The following CSMD1 variants were observed in gnomAD, a reference collection of about 807,000 sequenced individuals.
CSMD1 encodes CUB and sushi domain-containing protein 1.
Under a neutral mutation model 417.5 loss-of-function variants are expected in CSMD1, and 213 were observed. That is an observed-to-expected ratio of 0.51 (90% CI 0.46 to 0.57). The LOEUF is 0.57. Among genes scored for constraint, CSMD1 ranks in the 20% least tolerant of loss-of-function variants. The pLI is 0.00. For synonymous variants in CSMD1, 2,862 were observed against 1,736.8 expected (o/e 1.65, Z -16.11); for missense variants, 6,923 against 4,529.7 (o/e 1.53, Z -15.17).
intron 5 of CSMD1, among the ~76,000 whole-genome samples, chr8:3,795,202 A>C (rs1424285675): frequency 8.1e-5 from 9 of 111,202 alleles, no homozygotes; most frequent in African/African-American, 2.0e-4. Flanking sequence ...TCATGTACAG[A>C]TATAGATACC....
intron 3 of CSMD1, among the ~76,000 whole-genome samples, chr8:4,395,578 A>G (rs187848218): frequency 3.3e-5 from 5 of 152,234 alleles, no homozygotes; most frequent in Admixed American, 6.5e-5. Context: ...AGAAAGGCCA[A>G]GAGGAGGATA....
At chr8:4,205,199 C>G (rs1017557190) in intron 3 of CSMD1, among the ~76,000 whole-genome samples, 1 of 152,334 alleles carries the variant, frequency 6.6e-6, no homozygotes, top group African/African-American at 2.4e-5. Context: ...TAAATAATAG[C>G]ATTGCACATT....
intron 3 of CSMD1, among the ~76,000 whole-genome samples, chr8:4,228,538 A>G (rs925063368): frequency 7.4e-5 from 11 of 148,048 alleles, no homozygotes; most frequent in Non-Finnish European, 1.2e-4. Context: ...CTCTTCTACA[A>G]CCCACTGGCT....
chr8:3,868,017 C>T (rs971903734), intron 5 of CSMD1, among the ~76,000 whole-genome samples: 2 of 152,282 alleles, frequency 1.3e-5, no homozygotes, highest in Non-Finnish European at 1.5e-5. Flanking sequence ...ATCCTTCCTT[C>T]TCCAATCCTG....
chr8:4,015,134 A>G (rs1277825637), intron 4 of CSMD1, among the ~76,000 whole-genome samples: 1 of 152,224 alleles, frequency 6.6e-6, no homozygotes, highest in Non-Finnish European at 1.5e-5. Context: ...AAAACTACTC[A>G]AAAAATTGAA....
intron 40 of CSMD1, among the ~76,000 whole-genome samples, chr8:3,147,502 C>T (rs148932981): frequency 6.6e-6 from 1 of 152,152 alleles, no homozygotes; most frequent in African/African-American, 2.4e-5. Flanking sequence ...CGGGAAGATG[C>T]CAAATTCATT....
chr8:4,825,374 G>T (rs1180510985), intron 1 of CSMD1, among the ~76,000 whole-genome samples: 1 of 151,970 alleles, frequency 6.6e-6, no homozygotes, highest in Non-Finnish European at 1.5e-5. Flanking sequence ...AGATTTATTC[G>T]CTTCACCAGT....
chr8:3,217,546 G>A (rs1042890320), intron 29 of CSMD1, among the ~76,000 whole-genome samples: 3 of 152,018 alleles, frequency 2.0e-5, no homozygotes, highest in Non-Finnish European at 4.4e-5. Context: ...GGGGGCGTGG[G>A]GGGCTATCAT....
At chr8:4,954,323 G>C (rs927623689) in intron 1 of CSMD1, among the ~76,000 whole-genome samples, 2 of 152,120 alleles carry the variant, frequency 1.3e-5, no homozygotes, top group Admixed American at 6.5e-5. Context: ...AAGGAAGCTT[G>C]TTATTTAAAA....
intron 10 of CSMD1, among the ~76,000 whole-genome samples, chr8:3,573,412 C>T (rs1800022340): frequency 6.6e-6 from 1 of 152,170 alleles, no homozygotes; most frequent in Admixed American, 6.5e-5. Flanking sequence ...CAGGGTACAA[C>T]ACGGCTCTAG....
In CSMD1 at chr8:4,830,847, G is replaced by C. The variant is rs541962917; in HGVS notation, c.85+163485C>G. On this transcript the variant is annotated intron_variant, in intron 1 of 69. Coordinates refer to ENST00000635120, the MANE Select transcript of CSMD1 (RefSeq NM_033225.6). Reference sequence around the variant, plus strand: ...AGGGAAAGAAAGAGAAATCAGCTAAGTGAAGAAATTCTGGGAAAAAAGAAA... The same window carrying C: ...AGGGAAAGAAAGAGAAATCAGCTAACTGAAGAAATTCTGGGAAAAAAGAAA... 3.3e-5 allele frequency among the ~76,000 whole-genome samples: 5 copies of C among 152,314 alleles called. No homozygotes were observed. In the South Asian group the frequency reaches 1.0e-3, roughly 32 times the overall value.
At chr8:4,033,993 G>C (rs779224233) in intron 3 of CSMD1, among the ~76,000 whole-genome samples, 5 of 152,150 alleles carry the variant, frequency 3.3e-5, no homozygotes, top group African/African-American at 2.4e-5. Flanking sequence ...CTTACTAGTA[G>C]AGAAATACAA....
intron 3 of CSMD1, among the ~76,000 whole-genome samples, chr8:4,311,759 G>C (rs568821298): frequency 2.7e-5 from 4 of 147,854 alleles, no homozygotes; most frequent in Admixed American, 6.8e-5. Flanking sequence ...TAAATTATGA[G>C]AGTTCATAGA....
intron 7 of CSMD1, among the ~76,000 whole-genome samples, chr8:3,642,795 G>A (rs1274107092): frequency 6.6e-6 from 1 of 152,008 alleles, no homozygotes; most frequent in Non-Finnish European, 1.5e-5. Context: ...GTATGTATAT[G>A]AATCCAGTAG....
chr8:4,013,017 T>C (rs1796350428), intron 4 of CSMD1, among the ~76,000 whole-genome samples: 1 of 152,164 alleles, frequency 6.6e-6, no homozygotes, highest in Non-Finnish European at 1.5e-5. Context: ...TGCAATGATT[T>C]TCTAATAGGT....
chr8:4,074,966 T>G (rs1249322406), intron 3 of CSMD1, among the ~76,000 whole-genome samples: 2 of 152,178 alleles, frequency 1.3e-5, no homozygotes, highest in Non-Finnish European at 2.9e-5. Flanking sequence ...AGTTTGAGTC[T>G]GCCTTCCCTA....
chr8:4,311,722 CA>C (rs35480252), intron 3 of CSMD1, among the ~76,000 whole-genome samples: 57,393 of 109,952 alleles, frequency 0.52, 14,272 homozygotes, highest in Non-Finnish European at 0.61. Flanking sequence ...GACTCAGTCT[CA>C]AAAAAAAAAA....
intron 15 of CSMD1, among the ~76,000 whole-genome samples, chr8:3,399,946 G>C (rs906473550): frequency 1.3e-5 from 2 of 152,144 alleles, no homozygotes; most frequent in African/African-American, 4.8e-5. Flanking sequence ...CCTTAGGTGT[G>C]TGTATGCATG....
intron 1 of CSMD1, among the ~76,000 whole-genome samples, chr8:4,820,049 C>T (rs1799433200): frequency 6.6e-6 from 1 of 152,118 alleles, no homozygotes; most frequent in South Asian, 2.1e-4. Context: ...CTTCCTGAAC[C>T]ACAGCAGTCT....
Sources: allele counts gnomAD v4.1 joint callset (sites outside exome capture counted in the v4.1 genomes callset), GRCh38; gene constraint gnomAD v4.1.1; transcripts MANE v1.5; gene names NCBI Gene and HGNC (gene_info 2026-07-23, HGNC 2026-07-21).